VPS13D: variants seen among roughly 807,000 people sequenced by gnomAD.
VPS13D encodes intermembrane lipid transfer protein VPS13D.
A neutral mutation model predicts 461.9 loss-of-function variants in VPS13D; 187 were observed. The ratio of observed to expected loss-of-function variants is 0.40; its 90% CI spans 0.36 to 0.46. VPS13D has a LOEUF of 0.46. Ranked by LOEUF, VPS13D falls within the 20% of genes least tolerant of loss-of-function variation. The pLI is 0.60. For missense variants in VPS13D, 4,711 were observed against 5,364.9 expected, an observed-to-expected ratio of 0.88 and a Z score of 3.81; for synonymous variants, 1,951 against 1,986.3, an observed-to-expected ratio of 0.98 and a Z score of 0.47.
chr1:12,340,687 G>T (rs2101573993), intron 40 of VPS13D, among the ~76,000 whole-genome samples: 1 of 152,336 alleles, frequency 6.6e-6, no homozygotes, highest in South Asian at 2.1e-4. Context: ...TTTTCTCCCA[G>T]CTGCAGAGCA....
chr1:12,388,123 A>T (rs2101658231), intron 60 of VPS13D, among the ~76,000 whole-genome samples: 1 of 152,354 alleles, frequency 6.6e-6, no homozygotes, highest in Admixed American at 6.5e-5. Flanking sequence ...CAATAGCATA[A>T]AGGCTGAAGG....
intron 67 of VPS13D, chr1:12,478,813 A>G: frequency 2.2e-6 from 1 of 456,068 alleles, no homozygotes; most frequent in South Asian, 1.5e-5. Flanking sequence ...TTGCTGGAGG[A>G]AACAGGGCTG....
chr1:12,347,145 A>G (rs1395510153), intron 44 of VPS13D, among the ~76,000 whole-genome samples: 1 of 152,174 alleles, frequency 6.6e-6, no homozygotes, highest in East Asian at 1.9e-4. Flanking sequence ...AGGCCTGAAC[A>G]ATATCAAGGT....
At chr1:12,312,020 G>A in intron 29 of VPS13D, 95 bp downstream of exon 29, 4 of 1,007,560 alleles carry the variant, frequency 4.0e-6, no homozygotes, top group Non-Finnish European at 5.9e-6. Flanking sequence ...CAGAGTGGTG[G>A]CCCACAGATG....
intron 44 of VPS13D, 50 bp from the exon 45 acceptor site, chr1:12,348,773 A>G (rs775705739): frequency 6.3e-7 from 1 of 1,596,948 alleles, no homozygotes; most frequent in South Asian, 1.1e-5. Flanking sequence ...ATTGTATTTT[A>G]TATGTTTTTT....
intron 1 of VPS13D, among the ~76,000 whole-genome samples, chr1:12,231,670 G>A (rs1162476114): frequency 6.6e-6 from 1 of 152,136 alleles, no homozygotes; most frequent in Non-Finnish European, 1.5e-5. Flanking sequence ...TTTCACATTT[G>A]GTTTTCACAA....
At chr1:12,487,890 A>T (rs542383333) in intron 67 of VPS13D, among the ~76,000 whole-genome samples, 2 of 152,312 alleles carry the variant, frequency 1.3e-5, no homozygotes, top group Admixed American at 1.3e-4. Flanking sequence ...TGTGAGTTTT[A>T]TTAATGGCAC....
At chr1:12,309,445 G>A (rs200887666) in intron 27 of VPS13D, among the ~76,000 whole-genome samples, 71 of 151,690 alleles carry the variant, frequency 4.7e-4, no homozygotes, top group South Asian at 3.1e-3. Flanking sequence ...TCTTGACCTC[G>A]TGATCCACCT....
intron 66 of VPS13D, among the ~76,000 whole-genome samples, 184 bp downstream of exon 66, chr1:12,456,314 C>T (rs1289900043): frequency 6.6e-6 from 1 of 151,840 alleles, no homozygotes; most frequent in African/African-American, 2.4e-5. Flanking sequence ...CCAGCCTGGC[C>T]AACACAGTGA....
intron 36 of VPS13D, 145 bp downstream of exon 36, chr1:12,327,999 A>G: frequency 2.3e-6 from 2 of 885,284 alleles, no homozygotes; most frequent in South Asian, 3.8e-5. Flanking sequence ...GTTTTTCATT[A>G]TGTATGTTTT....
chr1:12,455,863 G>T, intron 65 of VPS13D, 135 bp from the exon 66 acceptor site: 1 of 1,109,680 alleles, frequency 9.0e-7, no homozygotes, highest in Non-Finnish European at 1.2e-6. Flanking sequence ...AGGTTGTGAT[G>T]AGATGAGATC....
chr1:12,427,240 ATTTTATTATTAT>A (rs1368287266), intron 65 of VPS13D, among the ~76,000 whole-genome samples: 93 of 137,778 alleles, frequency 6.7e-4, no homozygotes, highest in African/African-American at 1.8e-3. Context: ...TATTGTCATT[ATTTTATTATTAT>A]TATTATTATT....
chr1:12,277,564 A>T lies in VPS13D; in HGVS notation c.3976A>T (p.Thr1326Ser), dbSNP rs1162513404. ...GMLKSAATKV[T>S]TVLATKTAEY... ...GCTGAAAAGCGCAGCCACCAAAGTC[A>T]CCACAGTACTAGCTACCAAGACTGC... Residue 1326 changes from threonine (T) to serine (S), a missense_variant, in exon 19 of 70, where the codon ACC becomes TCC. Around this residue, in one of 3 missense-constraint regions of VPS13D, gnomAD observed 4,411 missense variants for 4,937.8 expected, o/e 0.89. Coordinates refer to ENST00000620676, the MANE Select transcript of VPS13D (RefSeq NM_015378.4). The T allele has an allele frequency of 6.2e-7, 1 of 1,613,868 alleles. No individual in the cohort carries two copies. The highest frequency in any genetic ancestry group is 8.5e-7 in the Non-Finnish European group (1 of 1,180,046).
At chr1:12,421,558 C>T (rs1402029670) in intron 65 of VPS13D, among the ~76,000 whole-genome samples, 4 of 152,174 alleles carry the variant, frequency 2.6e-5, no homozygotes, top group African/African-American at 9.6e-5. Flanking sequence ...TTTTTACCTT[C>T]ATTCTTGTGT....
chr1:12,365,164 G>C (rs1644016667), intron 52 of VPS13D, among the ~76,000 whole-genome samples: 2 of 152,058 alleles, frequency 1.3e-5, no homozygotes, highest in Non-Finnish European at 2.9e-5. Flanking sequence ...TAGTTGCTTT[G>C]TATTAAATTT....
chr1:12,459,124 C>T (rs925606591), intron 66 of VPS13D, among the ~76,000 whole-genome samples: 5 of 152,220 alleles, frequency 3.3e-5, no homozygotes, highest in Non-Finnish European at 5.9e-5. Context: ...ATCAGCTCTC[C>T]ATATCCACAG....
At chr1:12,396,990 G>A (rs1359836622) in intron 60 of VPS13D, among the ~76,000 whole-genome samples, 5 of 152,192 alleles carry the variant, frequency 3.3e-5, no homozygotes, top group African/African-American at 9.7e-5. Flanking sequence ...CTGGAGTGCA[G>A]TGGTACGATC....
In VPS13D at chr1:12,304,852, G is replaced by A. The variant is rs1191022028; in HGVS notation, c.6439+124G>A. On this transcript the variant is annotated intron_variant, in intron 26 of 69. Transcript: ENST00000620676. ...AACGAAGAGATAGCATTTCTTTAAC[G>A]ATGATGAGATTCTGATTTTGCTTTA... 5 of 949,598 alleles carry A rather than the reference G, an allele frequency of 5.3e-6. No individual in the cohort carries two copies. The South Asian group carries it at 6.7e-5, about 13-fold the overall frequency. The allele number at this position is 949,598 out of a possible 1,614,324, so 58.8% of individuals were successfully genotyped here.
At chr1:12,491,246 C>T (rs1264326376) in intron 67 of VPS13D, among the ~76,000 whole-genome samples, 1 of 152,226 alleles carries the variant, frequency 6.6e-6, no homozygotes, top group Non-Finnish European at 1.5e-5. Context: ...GTTGAATAAA[C>T]ATTCTATGAT....
Sources: gnomAD v4.1 joint callset for allele counts (sites outside exome capture counted in the v4.1 genomes callset) on GRCh38, gnomAD v4.1.1 for gene constraint, gnomAD v4.1.1 regional missense constraint, MANE v1.5 for transcripts, NCBI Gene and HGNC (gene_info 2026-07-23, HGNC 2026-07-21) for gene names.